Variants in ICA1 observed in about 807,000 individuals in gnomAD.
The protein encoded by ICA1 is islet cell autoantigen 1, also known as 69 kDa islet cell autoantigen.
Under a neutral mutation model 71.0 loss-of-function variants are expected in ICA1, and 40 were observed. That is an observed-to-expected ratio of 0.56 (90% CI 0.44 to 0.73). The LOEUF (loss-of-function observed/expected upper bound fraction) is 0.73. Among genes scored for constraint, ICA1 ranks in the 30% least tolerant of loss-of-function variants. The pLI is 0.00. For missense variants in ICA1, 578 were observed against 576.5 expected (o/e 1.00, Z -0.03); for synonymous variants, 207 against 209.5 (o/e 0.99, Z 0.10).
chr7:8,126,811 A>G (rs972237768), intron 13 of ICA1, among the ~76,000 whole-genome samples: 3 of 152,206 alleles, frequency 2.0e-5, no homozygotes, highest in African/African-American at 7.2e-5. Flanking sequence ...ATACTAAAAA[A>G]TGGTTTCCTT....
At chr7:8,161,294 G>A (rs1803705215) in intron 6 of ICA1, among the ~76,000 whole-genome samples, 1 of 152,124 alleles carries the variant, frequency 6.6e-6, no homozygotes, top group Non-Finnish European at 1.5e-5. Context: ...TATTATAATA[G>A]AATGGGAAAA....
chr7:8,212,690 T>C (rs1158265879), intron 6 of ICA1, among the ~76,000 whole-genome samples: 1 of 152,174 alleles, frequency 6.6e-6, no homozygotes, highest in African/African-American at 2.4e-5. Context: ...ACAGCTGGTG[T>C]CAGCAAGGGC....
At chr7:8,193,982 C>T (rs1170092722) in intron 6 of ICA1, among the ~76,000 whole-genome samples, 2 of 152,224 alleles carry the variant, frequency 1.3e-5, no homozygotes, top group African/African-American at 4.8e-5. Context: ...TAACAGCATT[C>T]TTTTCATTTT....
intron 13 of ICA1, among the ~76,000 whole-genome samples, chr7:8,119,804 C>A (rs1054473497): frequency 6.6e-6 from 1 of 152,124 alleles, no homozygotes; most frequent in African/African-American, 2.4e-5. Flanking sequence ...CGAGATCGTG[C>A]CACTGTACTC....
chr7:8,122,343 T>C (rs1296888221), intron 13 of ICA1, among the ~76,000 whole-genome samples: 2 of 152,212 alleles, frequency 1.3e-5, no homozygotes, highest in Admixed American at 6.5e-5. Context: ...GTTTAGACCT[T>C]ATTCAAATGG....
At chr7:8,131,881 G>A (rs1429938799) in intron 12 of ICA1, among the ~76,000 whole-genome samples, 2 of 152,152 alleles carry the variant, frequency 1.3e-5, no homozygotes, top group Non-Finnish European at 2.9e-5. Flanking sequence ...AAGCTCTTTG[G>A]GAGAAACTCT....
intron 6 of ICA1, among the ~76,000 whole-genome samples, chr7:8,178,894 T>C (rs968548923): frequency 2.0e-5 from 3 of 152,174 alleles, no homozygotes; most frequent in Non-Finnish European, 2.9e-5. Context: ...CAGGTGCTCT[T>C]ATGGTGGAAT....
At chr7:8,227,394 G>A (rs1046581298) in intron 4 of ICA1, among the ~76,000 whole-genome samples, 1 of 152,126 alleles carries the variant, frequency 6.6e-6, no homozygotes, top group Admixed American at 6.5e-5. Flanking sequence ...GAGCTATTTA[G>A]GAGGCAAAAT....
chr7:8,128,626 G>T (rs568125058), intron 12 of ICA1, among the ~76,000 whole-genome samples: 1 of 100,078 alleles, frequency 1.0e-5, no homozygotes, highest in African/African-American at 4.0e-5. Context: ...CCCAGGGCAC[G>T]ACAGTGAAGG....
chr7:8,164,416 A>C (rs1248410867), intron 6 of ICA1, among the ~76,000 whole-genome samples: 1 of 152,126 alleles, frequency 6.6e-6, no homozygotes, highest in Admixed American at 6.6e-5. Flanking sequence ...TCTGATCCAA[A>C]AGACACTTAA....
rs543958160 is a variant in ICA1, at chr7:8,148,410, T to A, written c.805-4438A>T. Among the ~76,000 whole-genome samples the A allele has an allele frequency of 2.6e-4, 39 of 152,290 alleles. 1 individual carries two copies. Among genetic ancestry groups the A allele is most frequent in the South Asian group, 2.3e-3 (11 of 4,822 alleles). On this transcript the variant is annotated intron_variant, in intron 8 of 13. Transcript: ENST00000402384. ...TAAAGAATTACCTTACCTTTTTTTT[T>A]AAACTTTTCTAAATGTACATATAAC... is the stretch of plus-strand genomic sequence containing the variant.
chr7:8,262,531 C>G (rs1048341116), upstream of ICA1: 16 of 152,310 alleles, frequency 1.1e-4, no homozygotes, highest in African/African-American at 2.7e-4. Context: ...TGGGGTATCC[C>G]CCGCTCGGAT....
intron 1 of ICA1, among the ~76,000 whole-genome samples, chr7:8,243,730 A>T (rs1804844973): frequency 6.6e-6 from 1 of 152,260 alleles, no homozygotes; most frequent in Non-Finnish European, 1.5e-5. Flanking sequence ...CTCAGGATAC[A>T]AAATCAATGT....
chr7:8,118,992 T>C (rs1785733886), intron 13 of ICA1, among the ~76,000 whole-genome samples: 1 of 152,190 alleles, frequency 6.6e-6, no homozygotes, highest in African/African-American at 2.4e-5. Context: ...GTTATGTAAG[T>C]AAAAGTTTGG....
chr7:8,189,410 G>A (rs941991511), intron 6 of ICA1, among the ~76,000 whole-genome samples: 3 of 152,174 alleles, frequency 2.0e-5, no homozygotes, highest in Non-Finnish European at 4.4e-5. Flanking sequence ...TGCTAGAGCT[G>A]GACCCAGAAC....
intron 8 of ICA1, among the ~76,000 whole-genome samples, chr7:8,150,430 G>A (rs9640059): frequency 0.97 from 147,012 of 152,336 alleles, 70,980 homozygotes; most frequent in East Asian, 1. Flanking sequence ...TATGTTTTCT[G>A]TATCTCACTT....
At chr7:8,225,963 G>C (rs928930580) in intron 4 of ICA1, among the ~76,000 whole-genome samples, 1 of 152,074 alleles carries the variant, frequency 6.6e-6, no homozygotes, top group Non-Finnish European at 1.5e-5. Context: ...TTTGTGTTTA[G>C]CCTCAGTATC....
chr7:8,240,812 T>C (rs1369876479), intron 1 of ICA1, among the ~76,000 whole-genome samples: 1 of 152,146 alleles, frequency 6.6e-6, no homozygotes, highest in Non-Finnish European at 1.5e-5. Context: ...AAAGGGTAGG[T>C]ATCAGTGATT....
intron 10 of ICA1, 78 bp downstream of exon 10, chr7:8,141,687 G>T (rs1795282751): frequency 5.5e-6 from 5 of 904,476 alleles, no homozygotes; most frequent in Admixed American, 2.6e-5. Flanking sequence ...GGAGGAGTTT[G>T]TCAAAAAGTA....
Sources: gnomAD v4.1 joint callset for allele counts (sites outside exome capture counted in the v4.1 genomes callset) on GRCh38, gnomAD v4.1.1 for gene constraint, MANE v1.5 for transcripts, NCBI Gene and HGNC (gene_info 2026-07-23, HGNC 2026-07-21) for gene names.